Variants in SULT1C3 observed in about 807,000 individuals in gnomAD.
SULT1C3 encodes sulfotransferase family 1C member 3.
In SULT1C3, 31 loss-of-function variants were observed where a neutral mutation model predicts 28.4. That is an observed-to-expected ratio of 1.09 (90% CI 0.82 to 1.47). The LOEUF (loss-of-function observed/expected upper bound fraction) is 1.47. Ranked by LOEUF, SULT1C3 falls within the 40% of genes most tolerant of loss-of-function variation. SULT1C3 has a pLI of 0.00. For missense variants in SULT1C3, 307 were observed against 272.5 expected (o/e 1.13, Z -0.89); for synonymous variants, 106 against 92.2 (o/e 1.15, Z -0.86).
chr2:108,252,177 AGATAGATAGATG>A (rs1054366449), intron 2 of SULT1C3, among the ~76,000 whole-genome samples, 176 bp from the exon 3 acceptor site: 3 of 151,078 alleles, frequency 2.0e-5, no homozygotes, highest in African/African-American at 7.3e-5. Context: ...ATAGATAGAT[AGATAGATAGATG>A]GATAGATAGA....
chr2:108,241,926 CAA>C (rs201006604), intron 1 of SULT1C3, among the ~76,000 whole-genome samples: 34,185 of 100,710 alleles, frequency 0.34, 4,582 homozygotes, highest in East Asian at 0.7. Flanking sequence ...GACTCCATCT[CAA>C]AAAAAAAAAA....
chr2:108,243,827 T>C (rs536517769), intron 1 of SULT1C3, among the ~76,000 whole-genome samples: 116 of 152,280 alleles, frequency 7.6e-4, no homozygotes, highest in African/African-American at 1.8e-3. Context: ...CACCACCCGA[T>C]TGACAAACTG....
downstream of SULT1C3, among the ~76,000 whole-genome samples, chr2:108,261,617 A>C (rs73952169): frequency 0.011 from 1,619 of 152,220 alleles, 37 homozygotes; most frequent in African/African-American, 0.037. Context: ...GGCCTCAGAG[A>C]TGACAGCATG....
chr2:108,242,266 C>A (rs1675478321), intron 1 of SULT1C3, among the ~76,000 whole-genome samples: 1 of 152,180 alleles, frequency 6.6e-6, no homozygotes, highest in Admixed American at 6.5e-5. Context: ...TTAAGCCAAT[C>A]AATTAGAGCT....
intron 2 of SULT1C3, among the ~76,000 whole-genome samples, chr2:108,249,024 A>G (rs1484516606): frequency 6.6e-6 from 1 of 152,164 alleles, no homozygotes; most frequent in Non-Finnish European, 1.5e-5. Flanking sequence ...CAAAACAGTT[A>G]TCTCAATACT....
chr2:108,252,453 C>T lies in SULT1C3; in HGVS notation c.261C>T (p.His87=), dbSNP rs201163943. The T allele has an allele frequency of 1.6e-5, 26 of 1,612,378 alleles. 1 individual carries two copies. Among genetic ancestry groups the T allele is most frequent in the South Asian group, 5.5e-5 (5 of 90,938 alleles). ...KCKRAQTLDR[H]AFLELKFPHK... ...AAAGAGCCCAGACTCTAGATAGACA[C>T]GCTTTCCTTGAACTGAAATTTCCCC... The change falls in exon 3 of 8, where the codon CAC becomes CAT. Residue 87 remains histidine (H), a synonymous_variant. Coordinates refer to ENST00000681802, the MANE Select transcript of SULT1C3 (RefSeq NM_001320878.2).
chr2:108,241,073 A>G (rs943071063), intron 1 of SULT1C3, among the ~76,000 whole-genome samples: 2 of 152,226 alleles, frequency 1.3e-5, no homozygotes, highest in Non-Finnish European at 2.9e-5. Context: ...GTTAGTTCCC[A>G]GACCTGTTAG....
Position 108,259,104 on chromosome 2 carries a change from G to T in SULT1C3, c.760G>T (p.Ala254Ser), listed in dbSNP as rs1333413600. ...NPMANHTAVP[A>S]HIFNHSISKF... ...CATGGCCAACCATACTGCGGTACCT[G>T]CTCACATATTCAATCACTCCATCTC... Residue 254 changes from alanine (A) to serine (S), a missense_variant, in exon 7 of 8, where the codon GCT becomes TCT. Physicochemically the swap from Ala to Ser is moderately conservative, Grantham distance 99. Transcript: ENST00000681802. 1 of 538,248 alleles carries T rather than the reference G, an allele frequency of 1.9e-6. No homozygotes were observed. Among genetic ancestry groups the T allele is most frequent in the Non-Finnish European group, 3.4e-6 (1 of 292,502 alleles). 33.3% of individuals were successfully genotyped at this position (538,248 alleles called of 1,614,324 possible).
intron 2 of SULT1C3, among the ~76,000 whole-genome samples, chr2:108,249,756 A>C (rs1056962710): frequency 1.3e-5 from 2 of 152,030 alleles, no homozygotes; most frequent in African/African-American, 2.4e-5. Flanking sequence ...TTTCTATGAA[A>C]ATGTCATTAA....
At chr2:108,245,951 C>T (rs906940196) in intron 1 of SULT1C3, among the ~76,000 whole-genome samples, 12 of 152,138 alleles carry the variant, frequency 7.9e-5, no homozygotes, top group Non-Finnish European at 1.6e-4. Flanking sequence ...TTATTTGATG[C>T]TCAGAAATTT....
chr2:108,264,201 C>T (rs965150495), downstream of SULT1C3, among the ~76,000 whole-genome samples: 1 of 152,164 alleles, frequency 6.6e-6, no homozygotes, highest in Non-Finnish European at 1.5e-5. Flanking sequence ...TGACCCAGTG[C>T]ATCAGCATCC....
chr2:108,242,618 T>C (rs899966702), intron 1 of SULT1C3, among the ~76,000 whole-genome samples: 5 of 152,204 alleles, frequency 3.3e-5, no homozygotes, highest in South Asian at 2.1e-4. Flanking sequence ...CAAATCTCTC[T>C]CATAATGTGA....
intron 6 of SULT1C3, 28 bp downstream of exon 6, chr2:108,258,856 G>T: frequency 6.4e-7 from 1 of 1,557,324 alleles, no homozygotes; most frequent in South Asian, 1.1e-5. Flanking sequence ...TTATAGGTCA[G>T]ACCCAGAAAC....
At chr2:108,257,737 T>C (rs569863316) in intron 5 of SULT1C3, among the ~76,000 whole-genome samples, 40 of 152,208 alleles carry the variant, frequency 2.6e-4, no homozygotes, top group Non-Finnish European at 2.8e-4. Flanking sequence ...CATCTATGTA[T>C]AGGAAAAAAC....
chr2:108,252,793 T>C (rs564836090), intron 3 of SULT1C3, among the ~76,000 whole-genome samples: 2 of 151,994 alleles, frequency 1.3e-5, no homozygotes, highest in South Asian at 4.2e-4. Context: ...TTTGAATCAG[T>C]GGAAAGGCCA....
intron 3 of SULT1C3, among the ~76,000 whole-genome samples, chr2:108,252,884 G>A (rs549070740): frequency 3.8e-4 from 58 of 152,042 alleles, no homozygotes; most frequent in Non-Finnish European, 6.9e-4. Context: ...ATATACCGTG[G>A]ACATTCCCAG....
chr2:108,255,162 A>G (rs560407665), intron 4 of SULT1C3, among the ~76,000 whole-genome samples: 1 of 152,086 alleles, frequency 6.6e-6, no homozygotes, highest in African/African-American at 2.4e-5. Context: ...AATCTGGAAA[A>G]TTTCTCTCAA....
At chr2:108,250,655 C>T (rs1377959104) in intron 2 of SULT1C3, among the ~76,000 whole-genome samples, 1 of 151,768 alleles carries the variant, frequency 6.6e-6, no homozygotes, top group Non-Finnish European at 1.5e-5. Flanking sequence ...AACCTAAATT[C>T]GTATTGTCAT....
At chr2:108,246,627 T>C (rs928284611) in intron 1 of SULT1C3, among the ~76,000 whole-genome samples, 2 of 152,172 alleles carry the variant, frequency 1.3e-5, no homozygotes, top group Non-Finnish European at 2.9e-5. Flanking sequence ...GACTGATATT[T>C]CAAAAATTAT....
Sources: allele counts gnomAD v4.1 joint callset (sites outside exome capture counted in the v4.1 genomes callset), GRCh38; gene constraint gnomAD v4.1.1; transcripts MANE v1.5; gene names NCBI Gene and HGNC (gene_info 2026-07-23, HGNC 2026-07-21).